ITPK1: variants seen among roughly 807,000 people sequenced by gnomAD.
ITPK1 encodes the protein inositol-tetrakisphosphate 1-kinase, also known as inositol 1,3,4-trisphosphate 5/6-kinase.
A neutral mutation model predicts 45.3 loss-of-function variants in ITPK1; 21 were observed. The observed-to-expected ratio is 0.46, with a 90% CI of 0.33 to 0.67. The LOEUF is 0.67. Among genes scored for constraint, ITPK1 ranks in the 30% least tolerant of loss-of-function variants. The pLI is 0.02. For synonymous variants in ITPK1, 258 were observed against 253.6 expected (o/e 1.02, Z -0.16); for missense variants, 474 against 573.5 (o/e 0.83, Z 1.77).
At chr14:92,997,690 T>C (rs931573232) in intron 4 of ITPK1, among the ~76,000 whole-genome samples, 1 of 152,186 alleles carries the variant, frequency 6.6e-6, no homozygotes, top group African/African-American at 2.4e-5. Context: ...CCATGGCAAA[T>C]TGTAAGCACA....
chr14:93,087,455 A>G (rs1288754873), intron 2 of ITPK1, among the ~76,000 whole-genome samples: 1 of 152,254 alleles, frequency 6.6e-6, no homozygotes, highest in African/African-American at 2.4e-5. Flanking sequence ...TTGATGCTGC[A>G]GTGCGTTATG....
intron 5 of ITPK1, among the ~76,000 whole-genome samples, chr14:92,984,030 T>C (rs1430888183): frequency 6.6e-6 from 1 of 152,236 alleles, no homozygotes; most frequent in Admixed American, 6.5e-5. Context: ...AAAATGACCC[T>C]GTTTCTAAAT....
intron 3 of ITPK1, among the ~76,000 whole-genome samples, chr14:93,017,614 C>T (rs891345335): frequency 6.6e-6 from 1 of 152,186 alleles, no homozygotes; most frequent in South Asian, 2.1e-4. Context: ...TCCCGGCACG[C>T]GGCCACCACC....
chr14:93,024,261 T>C (rs1355120204), intron 3 of ITPK1, among the ~76,000 whole-genome samples: 1 of 152,118 alleles, frequency 6.6e-6, no homozygotes, highest in Non-Finnish European at 1.5e-5. Context: ...AGTGCTCTTC[T>C]TCCCAAGCCA....
intron 4 of ITPK1, 99 bp from the exon 5 acceptor site, chr14:92,994,096 C>G (rs1886929494): frequency 1.3e-6 from 1 of 754,906 alleles, no homozygotes; most frequent in Non-Finnish European, 2.4e-6. Context: ...CTGTCCTATC[C>G]TCCAGCCCTA....
intron 2 of ITPK1, among the ~76,000 whole-genome samples, chr14:93,113,056 T>C (rs1232749989): frequency 6.6e-6 from 1 of 152,240 alleles, no homozygotes; most frequent in Non-Finnish European, 1.5e-5. Context: ...TTTCTTTTCC[T>C]TCTTAGGCTT....
chr14:92,972,103 C>T (rs1030073018), intron 5 of ITPK1, among the ~76,000 whole-genome samples: 1 of 152,230 alleles, frequency 6.6e-6, no homozygotes, highest in East Asian at 1.9e-4. Context: ...CCACAAACCA[C>T]CGTCCTACAG....
At chr14:93,004,255 C>T (rs1316518047) in intron 4 of ITPK1, among the ~76,000 whole-genome samples, 1 of 152,240 alleles carries the variant, frequency 6.6e-6, no homozygotes, top group East Asian at 1.9e-4. Context: ...CGACCACCAG[C>T]CCAAGCAAAG....
At chr14:93,112,291 T>C (rs998250188) in intron 2 of ITPK1, among the ~76,000 whole-genome samples, 1 of 152,142 alleles carries the variant, frequency 6.6e-6, no homozygotes, top group Non-Finnish European at 1.5e-5. Context: ...TCCCCATCTG[T>C]AAGACAAAGG....
At chr14:92,995,209 T>C (rs1356199485) in intron 4 of ITPK1, among the ~76,000 whole-genome samples, 2 of 152,122 alleles carry the variant, frequency 1.3e-5, no homozygotes, top group African/African-American at 2.4e-5. Flanking sequence ...TTGTGATACT[T>C]GGTTGTGAGA....
intron 2 of ITPK1, among the ~76,000 whole-genome samples, chr14:93,085,901 A>C (rs1247590145): frequency 6.6e-6 from 1 of 152,054 alleles, no homozygotes; most frequent in East Asian, 1.9e-4. Context: ...TGTGGGAAGC[A>C]GGGGAGTTGG....
At chr14:93,113,060 T>TAGTA (rs1177298979) in intron 2 of ITPK1, among the ~76,000 whole-genome samples, 1 of 152,238 alleles carries the variant, frequency 6.6e-6, no homozygotes, top group Non-Finnish European at 1.5e-5. Flanking sequence ...TTTTCCTTCT[T>TAGTA]AGGCTTAAGT....
rs751148664 is a variant in ITPK1 at position 93,066,316 on chromosome 14, GTGTA to G, written c.120+10275_120+10278del. The G allele has an allele frequency of 8.5e-5, 38 of 448,020 alleles. 1 individual carries two copies. The highest frequency in any genetic ancestry group is 5.9e-4 in the Admixed American group (25 of 42,094). The allele number at this position is 448,020 out of a possible 1,614,324, so 27.8% of individuals were successfully genotyped here. On this transcript the variant is annotated intron_variant, in intron 3 of 10. Coordinates refer to ENST00000267615, the MANE Select transcript of ITPK1 (RefSeq NM_014216.6). Reference sequence around the variant, plus strand: ...CGTGTGTGCGCGTGCATGTGTGTGTGTGTATGTGTGTGTGTGTGTGTGTGTAGGG... The same window carrying G: ...CGTGTGTGCGCGTGCATGTGTGTGTGTGTGTGTGTGTGTGTGTGTGTAGGG...
intron 7 of ITPK1, among the ~76,000 whole-genome samples, chr14:92,961,838 C>A (rs1258737881): frequency 6.6e-6 from 1 of 152,196 alleles, no homozygotes; most frequent in Non-Finnish European, 1.5e-5. Flanking sequence ...GGGATTAGTG[C>A]CCCTATCAGA....
At chr14:93,094,215 A>G (rs1467347693) in intron 2 of ITPK1, among the ~76,000 whole-genome samples, 1 of 152,176 alleles carries the variant, frequency 6.6e-6, no homozygotes, top group East Asian at 1.9e-4. Context: ...AGTTCCTTGG[A>G]GCAGGGGATT....
chr14:92,967,868 A>C (rs1885456475), intron 5 of ITPK1, among the ~76,000 whole-genome samples: 1 of 152,222 alleles, frequency 6.6e-6, no homozygotes, highest in Non-Finnish European at 1.5e-5. Context: ...ATCCATGGAG[A>C]CAAAAAAAGA....
At chr14:93,030,913 TGAG>T (rs926142763) in intron 3 of ITPK1, among the ~76,000 whole-genome samples, 7 of 152,068 alleles carry the variant, frequency 4.6e-5, no homozygotes, top group African/African-American at 7.2e-5. Flanking sequence ...AGGAACATCG[TGAG>T]GAGATGAAGG....
At chr14:93,049,975 A>G (rs1889936324) in intron 3 of ITPK1, among the ~76,000 whole-genome samples, 1 of 152,076 alleles carries the variant, frequency 6.6e-6, no homozygotes, top group South Asian at 2.1e-4. Context: ...GCACTTGGCA[A>G]AGGTTCTAGG....
chr14:93,090,979 C>T lies in ITPK1; in HGVS notation c.96-14360G>A, dbSNP rs547910428. On this transcript the variant is annotated intron_variant, in intron 2 of 10. Coordinates refer to ENST00000267615, the MANE Select transcript of ITPK1 (RefSeq NM_014216.6). ...TGCTCTTCCTCCTCATCCCTTCCTC[C>T]GCAATCACCATGGAAAGGTTTCCCT... Among the ~76,000 whole-genome samples, 42 of 152,266 alleles carry T rather than the reference C, an allele frequency of 2.8e-4. No individual in the cohort carries two copies. In the East Asian group the frequency reaches 6.4e-3, roughly 23 times the overall value.
Sources: gnomAD v4.1 joint callset for allele counts (sites outside exome capture counted in the v4.1 genomes callset) on GRCh38, gnomAD v4.1.1 for gene constraint, MANE v1.5 for transcripts, NCBI Gene and HGNC (gene_info 2026-07-23, HGNC 2026-07-21) for gene names.